Variants in CADM2 observed in about 807,000 individuals in gnomAD.
CADM2 encodes the protein cell adhesion molecule 2.
In CADM2, 12 loss-of-function variants were observed where a neutral mutation model predicts 49.8. The observed-to-expected ratio is 0.24, with a 90% CI of 0.15 to 0.39. The LOEUF (loss-of-function observed/expected upper bound fraction) is 0.39, where lower values mean the gene tolerates loss of function less well. CADM2 is among the 10% of genes least tolerant of loss of function. CADM2 has a pLI of 1.00. For missense variants in CADM2, 378 were observed against 492.3 expected, an observed-to-expected ratio of 0.77 and a Z score of 2.20; for synonymous variants, 214 against 175.4, an observed-to-expected ratio of 1.22 and a Z score of -1.74.
chr3:85,066,264 T>C (rs1234715220), intron 1 of CADM2, among the ~76,000 whole-genome samples: 2 of 151,900 alleles, frequency 1.3e-5, no homozygotes, highest in South Asian at 4.2e-4. Context: ...AAAATTTTCT[T>C]GGTTTTCTAT....
chr3:85,432,334 G>T (rs1386136061), intron 1 of CADM2, among the ~76,000 whole-genome samples: 1 of 151,988 alleles, frequency 6.6e-6, no homozygotes, highest in Non-Finnish European at 1.5e-5. Flanking sequence ...GGCCAGAGCA[G>T]TCGCAGAGGG....
chr3:85,527,715 C>T (rs1051174099), intron 1 of CADM2, among the ~76,000 whole-genome samples: 1 of 152,024 alleles, frequency 6.6e-6, no homozygotes, highest in African/African-American at 2.4e-5. Context: ...ATGCATAATA[C>T]AAATTGACAA....
intron 1 of CADM2, among the ~76,000 whole-genome samples, chr3:85,003,726 G>A (rs534716363): frequency 2.0e-5 from 3 of 152,130 alleles, no homozygotes; most frequent in Middle Eastern, 3.4e-3. Context: ...ATACAAATAA[G>A]TCTTACCTTA....
At chr3:85,991,916 A>T (rs1032432633) in intron 8 of CADM2, among the ~76,000 whole-genome samples, 9 of 152,082 alleles carry the variant, frequency 5.9e-5, no homozygotes, top group Admixed American at 5.9e-4. Flanking sequence ...TAAAACAATC[A>T]TTACTAAATC....
At chr3:85,672,439 G>T (rs1402801588) in intron 1 of CADM2, among the ~76,000 whole-genome samples, 1 of 151,850 alleles carries the variant, frequency 6.6e-6, no homozygotes, top group Non-Finnish European at 1.5e-5. Context: ...TGATCCGCTC[G>T]CCTTGGCTTT....
chr3:84,988,575 A>AGG (rs1282218272), intron 1 of CADM2, among the ~76,000 whole-genome samples: 2 of 152,216 alleles, frequency 1.3e-5, no homozygotes, highest in African/African-American at 2.4e-5. Context: ...CAATATCATT[A>AGG]TACAGCTTGT....
At chr3:85,933,271 A>G (rs1477413618) in intron 6 of CADM2, among the ~76,000 whole-genome samples, 1 of 152,038 alleles carries the variant, frequency 6.6e-6, no homozygotes, top group Non-Finnish European at 1.5e-5. Context: ...TAATAAATAA[A>G]TATTCCATCA....
At chr3:85,099,824 TGGAATGGGAGCTTTTAAAATAACA>T (rs1411445537) in intron 1 of CADM2, among the ~76,000 whole-genome samples, 12 of 152,208 alleles carry the variant, frequency 7.9e-5, no homozygotes, top group African/African-American at 2.7e-4. Flanking sequence ...ACACTAGCGA[TGGAATGGGAGCTTTTAAAATAACA>T]GCATAGGTTT....
At chr3:85,668,036 C>T (rs980333964) in intron 1 of CADM2, among the ~76,000 whole-genome samples, 6 of 151,890 alleles carry the variant, frequency 4.0e-5, no homozygotes, top group Admixed American at 1.3e-4. Context: ...CTTCAACAAA[C>T]GTTGGCTTAT....
At chr3:85,849,154 A>G (rs565559026) in intron 3 of CADM2, among the ~76,000 whole-genome samples, 1 of 152,224 alleles carries the variant, frequency 6.6e-6, no homozygotes, top group African/African-American at 2.4e-5. Context: ...CACCTCTGTC[A>G]CAGTTGTGTT....
Position 85,879,727 on chromosome 3 carries a change from T to G in CADM2, c.239-3564T>G, listed in dbSNP as rs891240052. Among the ~76,000 whole-genome samples the G allele has an allele frequency of 3.3e-5, 5 of 152,304 alleles. No individual in the cohort carries two copies. In the East Asian group the frequency reaches 9.6e-4, roughly 29 times the overall value. On this transcript the variant is annotated intron_variant, in intron 3 of 9. Coordinates refer to ENST00000383699, the MANE Select transcript of CADM2 (RefSeq NM_001167675.2). The stretch of plus-strand genomic sequence containing the variant: ...AAATAATAGAGAGCTCTTGTGTACC[T>G]TTCACCCAAGGAACAGCTGTAAAGC...
chr3:85,789,899 TG>T (rs1686386292), intron 2 of CADM2, among the ~76,000 whole-genome samples: 1 of 152,300 alleles, frequency 6.6e-6, no homozygotes, highest in South Asian at 2.1e-4. Context: ...GAATTGACTT[TG>T]TACACATACA....
intron 1 of CADM2, among the ~76,000 whole-genome samples, chr3:85,388,452 A>C (rs1001711067): frequency 1.3e-5 from 2 of 152,200 alleles, no homozygotes; most frequent in African/African-American, 2.4e-5. Context: ...TGAAGCTTGC[A>C]AAACTGTGAT....
chr3:85,618,966 G>A (rs1278515089), intron 1 of CADM2, among the ~76,000 whole-genome samples: 4 of 151,792 alleles, frequency 2.6e-5, no homozygotes, highest in African/African-American at 4.8e-5. Flanking sequence ...GCTTGAACCC[G>A]GGAGGCAGAG....
intron 1 of CADM2, among the ~76,000 whole-genome samples, chr3:85,141,898 T>A (rs1342111050): frequency 2.6e-5 from 4 of 152,182 alleles, no homozygotes; most frequent in African/African-American, 9.6e-5. Context: ...CAATGGAGAT[T>A]TATTTGTTGC....
chr3:85,578,692 A>G (rs914365922), intron 1 of CADM2, among the ~76,000 whole-genome samples: 9 of 152,218 alleles, frequency 5.9e-5, no homozygotes, highest in Admixed American at 4.6e-4. Flanking sequence ...GCAGGAAAAG[A>G]TGATTGTATT....
chr3:85,657,788 T>C (rs1172158033), intron 1 of CADM2, among the ~76,000 whole-genome samples: 1 of 113,316 alleles, frequency 8.8e-6, no homozygotes, highest in East Asian at 2.2e-4. Context: ...ATATACATGT[T>C]TTGAGTTAAA....
intron 1 of CADM2, among the ~76,000 whole-genome samples, chr3:85,071,865 T>C (rs1273168258): frequency 6.6e-6 from 1 of 151,832 alleles, no homozygotes; most frequent in Non-Finnish European, 1.5e-5. Flanking sequence ...AAAACATGTT[T>C]AATTCAAAAC....
chr3:85,074,610 GCTT>G (rs1289828242), intron 1 of CADM2, among the ~76,000 whole-genome samples: 1 of 152,060 alleles, frequency 6.6e-6, no homozygotes, highest in South Asian at 2.1e-4. Flanking sequence ...TAATTAAATA[GCTT>G]CCTACAGTTT....
Sources: allele counts gnomAD v4.1 joint callset (sites outside exome capture counted in the v4.1 genomes callset), GRCh38; gene constraint gnomAD v4.1.1; transcripts MANE v1.5; gene names NCBI Gene and HGNC (gene_info 2026-07-23, HGNC 2026-07-21).